Variants in PRSS23 observed in about 807,000 individuals in gnomAD.
The protein encoded by PRSS23 is protease, serine 23.
In PRSS23, 25 loss-of-function variants were observed where a neutral mutation model predicts 34.7. That is an observed-to-expected ratio of 0.72 (90% CI 0.53 to 1.01). The LOEUF (loss-of-function observed/expected upper bound fraction) is 1.01. Ranked by LOEUF, PRSS23 falls within the 50% of genes least tolerant of loss-of-function variation. The probability of loss-of-function intolerance (pLI) is 0.00; values close to 1 mark genes in which losing one functional copy is unlikely to be tolerated. For synonymous variants in PRSS23, 176 were observed against 186.6 expected (o/e 0.94, Z 0.46); for missense variants, 445 against 475.6 (o/e 0.94, Z 0.60).
upstream of PRSS23, chr11:86,800,277 C>A: frequency 5.1e-6 from 1 of 195,230 alleles, no homozygotes; most frequent in Non-Finnish European, 9.3e-6. Flanking sequence ...AGAGCCGGTG[C>A]TGCCTGGCGC....
intron 1 of PRSS23, among the ~76,000 whole-genome samples, chr11:86,822,950 G>A (rs1221644544): frequency 6.6e-6 from 1 of 152,092 alleles, no homozygotes; most frequent in Admixed American, 6.5e-5. Context: ...ACAACTCGGG[G>A]GTGAGTGTGG....
At chr11:86,877,366 G>A (rs989179993) in intron 2 of PRSS23, among the ~76,000 whole-genome samples, 1 of 152,146 alleles carries the variant, frequency 6.6e-6, no homozygotes, top group Non-Finnish European at 1.5e-5. Flanking sequence ...TTCTTACACG[G>A]TTCCCGTTCT....
chr11:86,872,025 A>G (rs1948687624), intron 2 of PRSS23, among the ~76,000 whole-genome samples: 1 of 152,222 alleles, frequency 6.6e-6, no homozygotes. Flanking sequence ...GGAATCAAAC[A>G]TCCCAGGGGC....
chr11:86,927,883 G>A (rs1949092031), intron 2 of PRSS23, among the ~76,000 whole-genome samples: 1 of 151,832 alleles, frequency 6.6e-6, no homozygotes, highest in South Asian at 2.1e-4. Flanking sequence ...GGAGGTTGCA[G>A]TGAGCTGAGA....
intron 2 of PRSS23, among the ~76,000 whole-genome samples, chr11:86,870,997 T>C (rs1443777848): frequency 6.6e-6 from 1 of 152,220 alleles, no homozygotes; most frequent in East Asian, 1.9e-4. Flanking sequence ...ACTATTTATA[T>C]TGACAATTTT....
chr11:86,805,260 T>A (rs1948086816), intron 1 of PRSS23, among the ~76,000 whole-genome samples: 1 of 152,108 alleles, frequency 6.6e-6, no homozygotes, highest in Non-Finnish European at 1.5e-5. Flanking sequence ...GGATGACTCC[T>A]TAGCCAGTAG....
intron 2 of PRSS23, among the ~76,000 whole-genome samples, chr11:86,895,477 C>CTTTTTTTTTT (rs71040269): frequency 2.1e-4 from 18 of 86,622 alleles, no homozygotes; most frequent in Non-Finnish European, 2.5e-4. Context: ...TTATTTTATC[C>CTTTTTTTTTT]TTTTTTTTTT....
intron 2 of PRSS23, among the ~76,000 whole-genome samples, chr11:86,847,453 G>A (rs1372421766): frequency 6.6e-6 from 1 of 152,170 alleles, no homozygotes; most frequent in East Asian, 1.9e-4. Flanking sequence ...CTGCCAGTAA[G>A]CATGGTTAAA....
chr11:86,933,376 G>C (rs1333087092), intron 2 of PRSS23: 9 of 152,026 alleles, frequency 5.9e-5, no homozygotes, highest in Admixed American at 5.9e-4. Context: ...TGAAGCCTTC[G>C]AAAAAAATGG....
intron 2 of PRSS23, among the ~76,000 whole-genome samples, chr11:86,838,603 G>C (rs1948424671): frequency 6.6e-6 from 1 of 152,214 alleles, no homozygotes; most frequent in African/African-American, 2.4e-5. Context: ...CTGTCTGACA[G>C]CTCTGAAGAG....
chr11:86,903,481 CT>C (rs10688682), intron 2 of PRSS23, among the ~76,000 whole-genome samples: 23,416 of 124,516 alleles, frequency 0.19, 1,349 homozygotes, highest in African/African-American at 0.24. Context: ...AACATACAAT[CT>C]TTTTTTTTTT....
At chr11:86,800,434 G>A, upstream of PRSS23, 10 of 982,986 alleles carry the variant, frequency 1.0e-5, no homozygotes, top group Non-Finnish European at 1.2e-5. Flanking sequence ...GTGCAGTGGG[G>A]CGGGCGGCGT....
At chr11:86,938,622 G>T (rs1949180334) in intron 2 of PRSS23, among the ~76,000 whole-genome samples, 1 of 152,068 alleles carries the variant, frequency 6.6e-6, no homozygotes, top group African/African-American at 2.4e-5. Context: ...CACTCTGAGG[G>T]GTTTGGACAT....
At chr11:86,855,718 A>G (rs7121796) in intron 2 of PRSS23, among the ~76,000 whole-genome samples, 2,340 of 152,074 alleles carry the variant, frequency 0.015, 63 homozygotes, top group African/African-American at 0.053. Context: ...CTGATCTCCA[A>G]CTCCTCAGAT....
chr11:86,808,793 T>G lies in PRSS23; in HGVS notation c.1150T>G (p.Ter384GlyextTer17), dbSNP rs1386695843. The stretch of plus-strand genomic sequence containing the variant: ...AAACTACCTGGATTGTAGGGAGGGG[T>G]GACACAGTGTTCCCTCCTGGCAGCA... ...KGNYLDCREG[*>G] The change falls in exon 2 of 2, where the codon TGA becomes GGA. Residue 384 changes from the stop codon to glycine, a stop_lost. Transcript: ENST00000280258. The G allele has an allele frequency of 6.2e-7, 1 of 1,601,030 alleles. No homozygotes were observed. The highest frequency in any genetic ancestry group is 1.3e-5 in the African/African-American group (1 of 74,544).
At chr11:86,938,297 C>T (rs899817836) in intron 2 of PRSS23, among the ~76,000 whole-genome samples, 2 of 152,142 alleles carry the variant, frequency 1.3e-5, no homozygotes, top group African/African-American at 4.8e-5. Flanking sequence ...TTCAGAGGTG[C>T]CCTAAAGGAA....
chr11:86,906,111 A>T (rs1325211468), intron 2 of PRSS23, among the ~76,000 whole-genome samples: 10 of 152,086 alleles, frequency 6.6e-5, no homozygotes, highest in Non-Finnish European at 1.2e-4. Context: ...GGGATTTCTC[A>T]GGCGCACTAT....
At chr11:86,820,784 G>C (rs1007683613) in intron 1 of PRSS23, among the ~76,000 whole-genome samples, 1 of 152,188 alleles carries the variant, frequency 6.6e-6, no homozygotes, top group Non-Finnish European at 1.5e-5. Flanking sequence ...TAAAGGGCTT[G>C]TGTGAAACCT....
intron 2 of PRSS23, chr11:86,948,540 G>A (rs2135035534): frequency 6.6e-6 from 1 of 152,224 alleles, no homozygotes; most frequent in Non-Finnish European, 1.5e-5. Context: ...TAACCCTGTA[G>A]CATTGCTAAG....
Sources: allele counts gnomAD v4.1 joint callset (sites outside exome capture counted in the v4.1 genomes callset), GRCh38; gene constraint gnomAD v4.1.1; transcripts MANE v1.5; gene names NCBI Gene and HGNC (gene_info 2026-07-23, HGNC 2026-07-21).